Variants in PAQR5 observed in about 807,000 individuals in gnomAD.
PAQR5 encodes progestin and adipoQ receptor family member 5.
A neutral mutation model predicts 34.5 loss-of-function variants in PAQR5; 20 were observed. The ratio of observed to expected loss-of-function variants is 0.58; its 90% CI spans 0.41 to 0.84. PAQR5 has a LOEUF of 0.84. Ranked by LOEUF, PAQR5 falls within the 40% of genes least tolerant of loss-of-function variation. The pLI is 0.00. For synonymous variants in PAQR5, 131 were observed against 155.6 expected, an observed-to-expected ratio of 0.84 and a Z score of 1.18; for missense variants, 378 against 412.7, an observed-to-expected ratio of 0.92 and a Z score of 0.73.
chr15:69,357,254 G>GTGTTTGTT (rs3084830), intron 2 of PAQR5, among the ~76,000 whole-genome samples: 114,796 of 149,398 alleles, frequency 0.77, 46,882 homozygotes, highest in Non-Finnish European at 0.92. Context: ...CAGTCTCAGG[G>GTGTTTGTT]TGTTTGTTTG....
chr15:69,354,178 G>C (rs180983527), intron 2 of PAQR5, among the ~76,000 whole-genome samples: 66 of 152,302 alleles, frequency 4.3e-4, no homozygotes, highest in Middle Eastern at 3.4e-3. Flanking sequence ...AAAGAACCAT[G>C]ACCAACTAAG....
At chr15:69,334,344 T>C (rs2054463520) in intron 1 of PAQR5, among the ~76,000 whole-genome samples, 1 of 152,202 alleles carries the variant, frequency 6.6e-6, no homozygotes, top group Admixed American at 6.5e-5. Context: ...ATAAAGACAG[T>C]TTTAAAGATT....
chr15:69,325,413 G>C (rs968760570), intron 1 of PAQR5, among the ~76,000 whole-genome samples: 1 of 152,106 alleles, frequency 6.6e-6, no homozygotes, highest in Non-Finnish European at 1.5e-5. Flanking sequence ...GGTGCACAGT[G>C]AGTCTGCAAT....
chr15:69,372,206 G>T (rs2055581121), intron 3 of PAQR5, among the ~76,000 whole-genome samples: 2 of 152,182 alleles, frequency 1.3e-5, no homozygotes. Flanking sequence ...TCGGCCAGAA[G>T]AAATTTACCA....
intron 3 of PAQR5, among the ~76,000 whole-genome samples, chr15:69,372,236 T>G (rs1380642352): frequency 6.6e-6 from 1 of 152,094 alleles, no homozygotes; most frequent in East Asian, 2.0e-4. Context: ...GTAAATATTG[T>G]GCTGCACGTA....
intron 3 of PAQR5, among the ~76,000 whole-genome samples, chr15:69,364,928 G>A (rs1005723487): frequency 6.6e-6 from 1 of 151,844 alleles, no homozygotes; most frequent in Non-Finnish European, 1.5e-5. Flanking sequence ...AGTAGAGATG[G>A]GGTTTCACTA....
intron 4 of PAQR5, among the ~76,000 whole-genome samples, chr15:69,382,509 G>C (rs1215779865): frequency 6.6e-6 from 1 of 151,462 alleles, no homozygotes; most frequent in Admixed American, 6.6e-5. Flanking sequence ...GCCAGGCGTG[G>C]TGGAGGGTGC....
chr15:69,404,151 T>C lies in PAQR5; in HGVS notation c.*329T>C, dbSNP rs1404774034. Reference sequence around the variant, plus strand: ...GGATTAAGCATATTACTCTGGAGCTTTGTATTATTCTTTAAAAATGAATCT... The same window carrying C: ...GGATTAAGCATATTACTCTGGAGCTCTGTATTATTCTTTAAAAATGAATCT... On this transcript the variant is annotated 3_prime_UTR_variant, in exon 9 of 9. Coordinates refer to ENST00000395407, the MANE Select transcript of PAQR5 (RefSeq NM_017705.4). 4.4e-6 allele frequency: 1 copy of C among 226,718 alleles called. No homozygotes were observed. The highest frequency in any genetic ancestry group is 2.3e-5 in the African/African-American group (1 of 42,996). The allele number at this position is 226,718 out of a possible 1,614,324, so 14.0% of individuals were successfully genotyped here.
In PAQR5 at chr15:69,327,153, T is replaced by TTTTTTATTA. The variant is rs553793248; in HGVS notation, c.-276-10187_-276-10186insTTTTATTAT. Among the ~76,000 whole-genome samples, 530 of 147,372 alleles carry TTTTTTATTA rather than the reference T, an allele frequency of 3.6e-3. 4 individuals carry two copies. The highest frequency in any genetic ancestry group is 0.013 in the African/African-American group (515 of 38,550). Reference sequence around the variant, plus strand: ...GCATGCACCACCACACTTGGCTAATTTCTTTATTATTATTATTATTATTTG... The same window carrying TTTTTTATTA: ...GCATGCACCACCACACTTGGCTAATTTTTTTATTATCTTTATTATTATTATTATTATTTG... On this transcript the variant is annotated intron_variant, in intron 1 of 8. Coordinates refer to ENST00000395407, the MANE Select transcript of PAQR5 (RefSeq NM_017705.4).
intron 3 of PAQR5, among the ~76,000 whole-genome samples, chr15:69,378,623 C>T (rs569621872): frequency 9.1e-4 from 138 of 152,098 alleles, no homozygotes; most frequent in African/African-American, 3.1e-3. Context: ...AGAGGGTTTG[C>T]AACTTATTGT....
At chr15:69,354,885 A>T (rs1265847943) in intron 2 of PAQR5, among the ~76,000 whole-genome samples, 1 of 152,198 alleles carries the variant, frequency 6.6e-6, no homozygotes, top group Non-Finnish European at 1.5e-5. Flanking sequence ...TTTCTCCTGG[A>T]GCTGGGTCAC....
At chr15:69,398,677 G>A (rs2056530772) in intron 7 of PAQR5, among the ~76,000 whole-genome samples, 1 of 152,212 alleles carries the variant, frequency 6.6e-6, no homozygotes, top group Non-Finnish European at 1.5e-5. Flanking sequence ...AGATGGGGCT[G>A]CAGCCCGTTC....
intron 3 of PAQR5, among the ~76,000 whole-genome samples, chr15:69,364,839 A>AGC (rs1223141521): frequency 3.3e-5 from 5 of 151,258 alleles, no homozygotes; most frequent in African/African-American, 1.2e-4. Context: ...CCCAGGTTCA[A>AGC]GCAATTCTCT....
Position 69,350,548 on chromosome 15 carries a change from C to T in PAQR5, c.-115-9418C>T, listed in dbSNP as rs145813472. On this transcript the variant is annotated intron_variant, in intron 2 of 8. Transcript: ENST00000395407. ...GTCCCAGCTACTTTGGAGGCTGAGG[C>T]GCAAGAATCGCTTGAACTCAAGAGG... is the stretch of plus-strand genomic sequence containing the variant. 3.7e-3 allele frequency among the ~76,000 whole-genome samples: 559 copies of T among 152,180 alleles called. 3 individuals are homozygous for T. The highest frequency in any genetic ancestry group is 0.011 in the African/African-American group (450 of 41,534).
chr15:69,318,124 C>T (rs967331805), intron 1 of PAQR5, among the ~76,000 whole-genome samples: 1 of 152,218 alleles, frequency 6.6e-6, no homozygotes, highest in Non-Finnish European at 1.5e-5. Flanking sequence ...GGAGCCCTGC[C>T]ATCCAGAGGG....
At chr15:69,359,935 G>A (rs1198479746) in intron 2 of PAQR5, 31 bp from the exon 3 acceptor site, 1 of 656,814 alleles carries the variant, frequency 1.5e-6, no homozygotes, top group East Asian at 2.6e-5. Context: ...GGCTGAAACT[G>A]ACTGGATTTC....
At chr15:69,318,818 ATTATAATATG>A (rs2054013734) in intron 1 of PAQR5, among the ~76,000 whole-genome samples, 1 of 151,190 alleles carries the variant, frequency 6.6e-6, no homozygotes. Context: ...CAGAACAATT[ATTATAATATG>A]TTATAATAAA....
intron 1 of PAQR5, among the ~76,000 whole-genome samples, chr15:69,317,794 C>T (rs2053990271): frequency 6.6e-6 from 1 of 152,148 alleles, no homozygotes; most frequent in African/African-American, 2.4e-5. Context: ...CCCCTTCTCC[C>T]CATGCTGTGC....
At chr15:69,399,886 C>A in intron 7 of PAQR5, 88 bp from the exon 8 acceptor site, 1 of 1,398,714 alleles carries the variant, frequency 7.1e-7, no homozygotes, top group Non-Finnish European at 9.8e-7. Context: ...TCAGAGCCCC[C>A]AAAGTCCCAG....
Sources: gnomAD v4.1 joint callset for allele counts (sites outside exome capture counted in the v4.1 genomes callset) on GRCh38, gnomAD v4.1.1 for gene constraint, MANE v1.5 for transcripts, NCBI Gene and HGNC (gene_info 2026-07-23, HGNC 2026-07-21) for gene names.